The following ROBO1 variants were observed in gnomAD, a reference collection of about 807,000 sequenced individuals.
ROBO1 encodes roundabout guidance receptor 1.
Under a neutral mutation model 195.9 loss-of-function variants are expected in ROBO1, and 149 were observed. The ratio of observed to expected loss-of-function variants is 0.76; its 90% confidence interval spans 0.67 to 0.87. ROBO1 has a LOEUF of 0.87. ROBO1 is among the 40% of genes least tolerant of loss of function. The pLI is 0.00. For synonymous variants in ROBO1, 816 were observed against 733.2 expected (o/e 1.11, Z -1.82); for missense variants, 1,933 against 2,068.3 (o/e 0.93, Z 1.27).
chr3:78,633,457 G>A (rs565993231), intron 24 of ROBO1, among the ~76,000 whole-genome samples: 25 of 152,232 alleles, frequency 1.6e-4, no homozygotes, highest in African/African-American at 5.1e-4. Flanking sequence ...CTGAGGGATC[G>A]TAGAGGGATG....
intron 1 of ROBO1, among the ~76,000 whole-genome samples, chr3:79,616,670 G>A (rs1031491777): frequency 6.6e-6 from 1 of 152,096 alleles, no homozygotes; most frequent in Non-Finnish European, 1.5e-5. Context: ...AGGCACGAGT[G>A]GCTAGAAATG....
chr3:79,591,934 A>G (rs1489893572), intron 1 of ROBO1, among the ~76,000 whole-genome samples: 1 of 151,772 alleles, frequency 6.6e-6, no homozygotes, highest in East Asian at 1.9e-4. Flanking sequence ...AAAAAACCCT[A>G]GACCTCTGAT....
chr3:78,651,586 G>T, intron 19 of ROBO1, 146 bp downstream of exon 19: 1 of 546,996 alleles, frequency 1.8e-6, no homozygotes, highest in Non-Finnish European at 3.1e-6. Flanking sequence ...TGTGGATACC[G>T]CAGCACAATA....
chr3:78,965,889 T>C (rs1332990612), intron 3 of ROBO1, among the ~76,000 whole-genome samples: 4 of 152,230 alleles, frequency 2.6e-5, no homozygotes, highest in African/African-American at 9.6e-5. Context: ...TAGCCACTAG[T>C]CACAGGAGGC....
intron 3 of ROBO1, among the ~76,000 whole-genome samples, chr3:78,940,940 A>G (rs575591889): frequency 6.6e-6 from 1 of 152,352 alleles, no homozygotes; most frequent in African/African-American, 2.4e-5. Context: ...AGGAAGTTTA[A>G]CAATCATGTA....
chr3:79,334,332 G>GTA (rs1455856434), intron 2 of ROBO1, among the ~76,000 whole-genome samples: 4 of 116,286 alleles, frequency 3.4e-5, no homozygotes, highest in Non-Finnish European at 5.6e-5. Flanking sequence ...ATATATATAT[G>GTA]TGTATATATA....
chr3:79,702,537 A>G (rs1468785074), intron 1 of ROBO1, among the ~76,000 whole-genome samples: 2 of 151,920 alleles, frequency 1.3e-5, no homozygotes, highest in African/African-American at 4.8e-5. Context: ...ATCCAATAAC[A>G]ATTCCATTCC....
chr3:78,819,071 G>T lies in ROBO1; in HGVS notation c.500-72171C>A, dbSNP rs575275023. 2.0e-5 allele frequency among the ~76,000 whole-genome samples: 3 copies of T among 152,226 alleles called. No individual in the cohort carries two copies. In the South Asian group the frequency reaches 6.2e-4, roughly 32 times the overall value. On this transcript the variant is annotated intron_variant, in intron 4 of 30. Transcript: ENST00000464233. The stretch of plus-strand genomic sequence containing the variant: ...TTTCTGGCGACCATTGGGGGTCTTG[G>T]AACATATCGCCCCGTGGACAACAGG...
intron 4 of ROBO1, among the ~76,000 whole-genome samples, chr3:78,866,311 G>A (rs1468399966): frequency 1.3e-5 from 2 of 152,142 alleles, no homozygotes; most frequent in Non-Finnish European, 2.9e-5. Context: ...TAATATTTGT[G>A]TGAGTGAAAA....
chr3:79,282,590 C>A (rs1282784240), intron 2 of ROBO1, among the ~76,000 whole-genome samples: 1 of 152,144 alleles, frequency 6.6e-6, no homozygotes, highest in Non-Finnish European at 1.5e-5. Context: ...CAAGGGAGAA[C>A]AAGAAGTCTA....
chr3:78,979,476 G>T (rs1000412009), intron 3 of ROBO1, among the ~76,000 whole-genome samples: 1 of 152,154 alleles, frequency 6.6e-6, no homozygotes, highest in Admixed American at 6.5e-5. Context: ...ACTGTTAAAA[G>T]ATTTCTGTCT....
intron 2 of ROBO1, among the ~76,000 whole-genome samples, chr3:79,294,045 G>A (rs1284012043): frequency 1.1e-4 from 11 of 97,880 alleles, no homozygotes; most frequent in African/African-American, 4.0e-4. Context: ...GCGACAGAGC[G>A]AGACTCCATC....
chr3:78,971,813 T>C (rs2076774546), intron 3 of ROBO1, among the ~76,000 whole-genome samples: 1 of 152,208 alleles, frequency 6.6e-6, no homozygotes, highest in South Asian at 2.1e-4. Flanking sequence ...TCACCCAAGT[T>C]GGAGTGCACT....
At chr3:79,675,187 C>T (rs1448106458) in intron 1 of ROBO1, among the ~76,000 whole-genome samples, 1 of 151,786 alleles carries the variant, frequency 6.6e-6, no homozygotes, top group African/African-American at 2.4e-5. Context: ...TGTGTATGAG[C>T]CTATACATCC....
intron 4 of ROBO1, among the ~76,000 whole-genome samples, chr3:78,891,620 C>T (rs2036900219): frequency 6.6e-6 from 1 of 152,090 alleles, no homozygotes; most frequent in Non-Finnish European, 1.5e-5. Flanking sequence ...AAACATATGT[C>T]CATAAAAATG....
At chr3:79,283,889 G>A (rs1287050182) in intron 2 of ROBO1, among the ~76,000 whole-genome samples, 3 of 151,710 alleles carry the variant, frequency 2.0e-5, no homozygotes, top group African/African-American at 7.3e-5. Context: ...AGTAGAGACG[G>A]GGTTTCACCG....
chr3:79,362,856 G>A (rs1040410551), intron 2 of ROBO1, among the ~76,000 whole-genome samples: 3 of 152,072 alleles, frequency 2.0e-5, no homozygotes, highest in Admixed American at 6.6e-5. Context: ...CTCAAATGCT[G>A]GGATGATAAA....
intron 2 of ROBO1, among the ~76,000 whole-genome samples, chr3:79,239,292 A>C (rs2082469839): frequency 6.6e-6 from 1 of 152,346 alleles, no homozygotes; most frequent in South Asian, 2.1e-4. Flanking sequence ...GTATCATGTA[A>C]AAGTTATAAA....
chr3:79,166,917 G>C (rs1362698116), intron 2 of ROBO1, among the ~76,000 whole-genome samples: 1 of 152,052 alleles, frequency 6.6e-6, no homozygotes, highest in Non-Finnish European at 1.5e-5. Context: ...TATGGATAGA[G>C]GAATAATATT....
Sources: gnomAD v4.1 joint callset for allele counts (sites outside exome capture counted in the v4.1 genomes callset) on GRCh38, gnomAD v4.1.1 for gene constraint, MANE v1.5 for transcripts, NCBI Gene and HGNC (gene_info 2026-07-23, HGNC 2026-07-21) for gene names.